Variants in RFXANK observed in about 807,000 individuals in gnomAD.
RFXANK encodes regulatory factor X associated ankyrin containing protein.
Under a neutral mutation model 34.5 loss-of-function variants are expected in RFXANK, and 19 were observed. The ratio of observed to expected loss-of-function variants is 0.55; its 90% CI spans 0.38 to 0.81. The LOEUF (loss-of-function observed/expected upper bound fraction) is 0.81. Ranked by LOEUF, RFXANK falls within the 30% of genes least tolerant of loss-of-function variation. The probability of loss-of-function intolerance (pLI) is 0.00; values close to 1 mark genes in which losing one functional copy is unlikely to be tolerated. For missense variants in RFXANK, 295 were observed against 343.5 expected, an observed-to-expected ratio of 0.86 and a Z score of 1.12; for synonymous variants, 154 against 149.8, an observed-to-expected ratio of 1.03 and a Z score of -0.20.
intron 6 of RFXANK, 52 bp from the exon 7 acceptor site, chr19:19,198,055 T>A: frequency 1.2e-6 from 2 of 1,607,430 alleles, no homozygotes; most frequent in Non-Finnish European, 1.7e-6. Flanking sequence ...TACCCCAGGA[T>A]TCCTGGTTAT....
At chr19:19,195,815 T>C (rs930850218) in intron 3 of RFXANK, among the ~76,000 whole-genome samples, 1 of 145,984 alleles carries the variant, frequency 6.9e-6, no homozygotes, top group African/African-American at 2.5e-5. Context: ...GTGATCTCTC[T>C]CACTGCAACC....
intron 7 of RFXANK, 72 bp downstream of exon 7, chr19:19,198,304 A>T (rs1324411393): frequency 6.3e-7 from 1 of 1,598,458 alleles, no homozygotes; most frequent in East Asian, 2.3e-5. Flanking sequence ...TTCACAGAGT[A>T]CTTGAAAGGT....
chr19:19,197,079 G>C, intron 4 of RFXANK, 33 bp downstream of exon 4: 1 of 1,612,944 alleles, frequency 6.2e-7, no homozygotes, highest in Non-Finnish European at 8.5e-7. Flanking sequence ...ACAAGGAGAG[G>C]AGTAGGAGGG....
In RFXANK at chr19:19,201,795, C is replaced by G. The variant is rs2060724271; in HGVS notation, c.*76C>G. ...AGCTGGGGAAACCCAGAACTGACTT[C>G]AAAGGCAGCTTCTGGACAGGTGGTG... On this transcript the variant is annotated 3_prime_UTR_variant, in exon 10 of 10. Coordinates refer to ENST00000303088, the MANE Select transcript of RFXANK (RefSeq NM_003721.4). 6.2e-7 allele frequency: 1 copy of G among 1,613,144 alleles called. No individual in the cohort carries two copies. Among genetic ancestry groups the G allele is most frequent in the Admixed American group, 1.7e-5 (1 of 59,948 alleles).
rs749859039 is a variant in RFXANK at position 19,198,687 on chromosome 19, C to T, written c.595C>T (p.Arg199Cys). 15 of 1,613,762 alleles carry T rather than the reference C, an allele frequency of 9.3e-6. No individual in the cohort carries two copies. The African/African-American group carries it at 1.9e-4, about 20-fold the overall frequency. Residue 199 changes from arginine (R) to cysteine (C), a missense_variant, in exon 8 of 10, where the codon CGC (arginine) becomes TGC (cysteine). Transcript: ENST00000303088. ...NGGTPLLYAV[R>C]GNHVKCVEAL... The stretch of plus-strand genomic sequence containing the variant: ...AGGGACGCCACTGCTGTACGCTGTG[C>T]GCGGGAACCACGTGAAATGCGTTGA...
At chr19:19,199,799 C>A (rs1482923289) in intron 9 of RFXANK, among the ~76,000 whole-genome samples, 1 of 152,130 alleles carries the variant, frequency 6.6e-6, no homozygotes, top group Non-Finnish European at 1.5e-5. Flanking sequence ...ATAGGCAGAC[C>A]CCAGTTTGAC....
rs1599784604 is a variant in RFXANK at position 19,198,303 on chromosome 19, T to A, written c.564+71T>A. On this transcript the variant is annotated intron_variant, in intron 7 of 9. Coordinates refer to ENST00000303088, the MANE Select transcript of RFXANK (RefSeq NM_003721.4). ...ATTCCTGCCTCAAATGTTCACAGAG[T>A]ACTTGAAAGGTGCAGGCCTGCTCTA... is the stretch of plus-strand genomic sequence containing the variant. The A allele has an allele frequency of 1.1e-5, 17 of 1,600,208 alleles. No homozygotes were observed. In the East Asian group the frequency reaches 3.6e-4, roughly 34 times the overall value.
intron 3 of RFXANK, among the ~76,000 whole-genome samples, chr19:19,195,327 C>A (rs2146473135): frequency 6.9e-6 from 1 of 144,148 alleles, no homozygotes; most frequent in Middle Eastern, 3.6e-3. Context: ...GATCCCCTCT[C>A]TTCTTGAGAC....
chr19:19,201,642 A>G lies in RFXANK; in HGVS notation c.713-7A>G, dbSNP rs1233475568. ...TCACAGCCCACCTTTTCCCTGCCCC[A>G]TCTCAGTGCAACAGGTGATCGAGAA... is the stretch of plus-strand genomic sequence containing the variant. On this transcript the variant is annotated splice_polypyrimidine_tract_variant and splice_region_variant and intron_variant, in intron 9 of 9. Coordinates refer to ENST00000303088, the MANE Select transcript of RFXANK (RefSeq NM_003721.4). The G allele has an allele frequency of 6.2e-7, 1 of 1,614,016 alleles. No individual in the cohort carries two copies. Among genetic ancestry groups the G allele is most frequent in the Admixed American group, 1.7e-5 (1 of 60,016 alleles).
chr19:19,201,598 C>A (rs773998486), intron 9 of RFXANK, 51 bp from the exon 10 acceptor site: 1 of 1,612,936 alleles, frequency 6.2e-7, no homozygotes, highest in African/African-American at 1.3e-5. Context: ...TGTGCCTCCA[C>A]CCCACTCCCG....
intron 8 of RFXANK, 29 bp from the exon 9 acceptor site, chr19:19,199,125 C>A: frequency 2.5e-6 from 4 of 1,608,416 alleles, no homozygotes; most frequent in Middle Eastern, 1.7e-4. Flanking sequence ...CAGGCCCCAC[C>A]CTCCAGCGCC....
intron 3 of RFXANK, 129 bp from the exon 4 acceptor site, chr19:19,196,834 C>T (rs913855704): frequency 9.1e-6 from 8 of 880,394 alleles, no homozygotes; most frequent in Non-Finnish European, 1.5e-5. Flanking sequence ...CACTGTACTC[C>T]AGCCTGGGGG....
chr19:19,201,714 GA>G lies in RFXANK; in HGVS notation c.779del (p.Glu260GlyfsTer?). 1 of 1,614,030 alleles carries G rather than the reference GA, an allele frequency of 6.2e-7. No homozygotes were observed. Among genetic ancestry groups the G allele is most frequent in the Non-Finnish European group, 8.5e-7 (1 of 1,180,012 alleles). On this transcript the variant is annotated frameshift_variant, in exon 10 of 10. Transcript: ENST00000303088. LOFTEE classifies it high-confidence loss of function. ...GAGCAACCTGGTGCCCGCTGACCCTGAGTGAAGGCCGCCTGCCGGGGACTCA... is the reference window on the plus strand; with the variant it reads ...GAGCAACCTGGTGCCCGCTGACCCTGGTGAAGGCCGCCTGCCGGGGACTCA... The part of the protein sequence containing the change: ...FQSNLVPADP[E>X]
intron 2 of RFXANK, among the ~76,000 whole-genome samples, 163 bp from the exon 3 acceptor site, chr19:19,193,762 GGAATGGTAGACCTC>G (rs2146459599): frequency 6.6e-6 from 1 of 152,238 alleles, no homozygotes; most frequent in South Asian, 2.1e-4. Flanking sequence ...TTGGTGGTGG[GGAATGGTAGACCTC>G]GAAAGCAGTT....
chr19:19,194,900 A>AT (rs2060570442), intron 3 of RFXANK, among the ~76,000 whole-genome samples: 1 of 151,976 alleles, frequency 6.6e-6, no homozygotes, highest in African/African-American at 2.4e-5. Flanking sequence ...CTGAGGATTT[A>AT]TTTTTGATTG....
At position 19,197,019 on chromosome 19, in the gene RFXANK, G is replaced by C; in HGVS notation, c.244G>C (p.Val82Leu). 2 of 1,613,602 alleles carry C rather than the reference G, an allele frequency of 1.2e-6. No individual in the cohort carries two copies. Among genetic ancestry groups the C allele is most frequent in the Non-Finnish European group, 1.7e-6 (2 of 1,180,020 alleles). Residue 82 changes from valine to leucine, a missense_variant, in exon 4 of 10, where the codon GTG (valine) becomes CTG (leucine). Val to Leu is a conservative substitution (Grantham distance 32). Coordinates refer to ENST00000303088, the MANE Select transcript of RFXANK (RefSeq NM_003721.4). ...CACCAACCGGCAGCGAGGGAACGAG[G>C]TGTCAGCTCTGCCGGCCACCCTAGA... is the stretch of plus-strand genomic sequence containing the variant. ...TLTNRQRGNE[V>L]SALPATLDSL...
At chr19:19,198,783 T>A (rs963233000) in intron 8 of RFXANK, 60 bp downstream of exon 8, 40 of 1,534,686 alleles carry the variant, frequency 2.6e-5, no homozygotes, top group Non-Finnish European at 3.6e-5. Flanking sequence ...CCTGCGGGAA[T>A]CCTGAGGGCA....
At chr19:19,197,306 T>G in intron 5 of RFXANK, 55 bp downstream of exon 5, 1 of 1,563,452 alleles carries the variant, frequency 6.4e-7, no homozygotes, top group Non-Finnish European at 8.8e-7. Context: ...TGTGTGCATA[T>G]GGGTGTCCAT....
chr19:19,198,382 C>A, intron 7 of RFXANK, 150 bp downstream of exon 7: 1 of 1,298,812 alleles, frequency 7.7e-7, no homozygotes, highest in Non-Finnish European at 1.1e-6. Context: ...CAGAGCTCCC[C>A]ATGCAGGGAA....
Sources: gnomAD v4.1 joint callset for allele counts (sites outside exome capture counted in the v4.1 genomes callset) on GRCh38, gnomAD v4.1.1 for gene constraint, MANE v1.5 for transcripts, NCBI Gene and HGNC (gene_info 2026-07-23, HGNC 2026-07-21) for gene names.